Variants in EPCAM observed in about 807,000 individuals in gnomAD.
The protein encoded by EPCAM is adenocarcinoma-associated antigen.
A neutral mutation model predicts 40.0 loss-of-function variants in EPCAM; 39 were observed. That is an observed-to-expected ratio of 0.98 (90% CI 0.76 to 1.27). The LOEUF is 1.27. Ranked by LOEUF, EPCAM falls within the 50% of genes most tolerant of loss-of-function variation. The probability of loss-of-function intolerance (pLI) is 0.00; values close to 1 mark genes in which losing one functional copy is unlikely to be tolerated. For synonymous variants in EPCAM, 168 were observed against 132.3 expected, an observed-to-expected ratio of 1.27 and a Z score of -1.85; for missense variants, 503 against 381.2, an observed-to-expected ratio of 1.32 and a Z score of -2.66.
rs138471286 is a variant in EPCAM at position 47,385,667 on chromosome 2, C to T, written c.903+457C>T. ...TCAGATTGTTAGTGTGTTTCAGTCC[C>T]TTGGAATTGAATATGAACACTTATC... On this transcript the variant is annotated intron_variant, in intron 8 of 8. Transcript: ENST00000263735. 3.8e-4 allele frequency among the ~76,000 whole-genome samples: 58 copies of T among 152,258 alleles called. No individual in the cohort carries two copies. In the East Asian group the frequency reaches 6.0e-3, roughly 16 times the overall value.
At position 47,386,794 on chromosome 2, in the gene EPCAM, G is replaced by A. The variant is rs1671753306; in HGVS notation, c.*181G>A. 1 of 494,010 alleles carries A rather than the reference G, an allele frequency of 2.0e-6. No homozygotes were observed. The allele number at this position is 494,010 out of a possible 1,614,324, so 30.6% of individuals were successfully genotyped here. A position where few individuals can be genotyped will look rare whatever the true frequency, so the allele number is the denominator to read the frequency against. ...GCTTGAAACTGGCTTTACCAATCTTGAAATTTGACCACAAGTGTCTTATAT... is the reference window on the plus strand; with the variant it reads ...GCTTGAAACTGGCTTTACCAATCTTAAAATTTGACCACAAGTGTCTTATAT... On this transcript the variant is annotated 3_prime_UTR_variant, in exon 9 of 9. Transcript: ENST00000263735.
At chr2:47,381,967 A>C (rs954218651) in intron 7 of EPCAM, among the ~76,000 whole-genome samples, 1 of 152,092 alleles carries the variant, frequency 6.6e-6, no homozygotes, top group African/African-American at 2.4e-5. Flanking sequence ...AATTCTTGCT[A>C]TGGCTGCCGA....
rs2103771066 is a variant in EPCAM at position 47,386,656 on chromosome 2, G to C, written c.*43G>C. ...TATAGAAGAAGGGAAATAGCAAATGGACACAAATTACAAATGTGTGTGCGT... is the reference window on the plus strand; with the variant it reads ...TATAGAAGAAGGGAAATAGCAAATGCACACAAATTACAAATGTGTGTGCGT... On this transcript the variant is annotated 3_prime_UTR_variant, in exon 9 of 9. Transcript: ENST00000263735. 1.4e-6 allele frequency: 2 copies of C among 1,452,356 alleles called. No homozygotes were observed. The highest frequency in any genetic ancestry group is 1.2e-5 in the South Asian group (1 of 86,626). The allele number at this position is 1,452,356 out of a possible 1,614,324, so 90.0% of individuals were successfully genotyped here.
chr2:47,380,815 G>A (rs955217211), intron 7 of EPCAM, among the ~76,000 whole-genome samples: 1 of 152,104 alleles, frequency 6.6e-6, no homozygotes, highest in Non-Finnish European at 1.5e-5. Flanking sequence ...CTGGCCAGGT[G>A]TGATGGCTCA....
intron 8 of EPCAM, 50 bp downstream of exon 8, chr2:47,385,260 C>T (rs769424339): frequency 1.1e-5 from 15 of 1,408,776 alleles, no homozygotes; most frequent in Non-Finnish European, 7.0e-6. Context: ...ATCTCTTACT[C>T]CTAATCACTC....
At chr2:47,377,300 G>A (rs899124808) in intron 5 of EPCAM, among the ~76,000 whole-genome samples, 1 of 152,088 alleles carries the variant, frequency 6.6e-6, no homozygotes, top group Non-Finnish European at 1.5e-5. Flanking sequence ...GTCATGGCAA[G>A]ATCTCGGCTC....
intron 4 of EPCAM, 53 bp from the exon 5 acceptor site, chr2:47,376,961 C>T (rs1671442885): frequency 1.0e-5 from 12 of 1,191,076 alleles, no homozygotes; most frequent in Non-Finnish European, 1.3e-5. Context: ...GTGCTTCTTA[C>T]TGTTGTGTGG....
chr2:47,377,312 A>T (rs3923035), intron 5 of EPCAM, among the ~76,000 whole-genome samples: 1 of 151,874 alleles, frequency 6.6e-6, no homozygotes, highest in Non-Finnish European at 1.5e-5. Flanking sequence ...TCTCGGCTCA[A>T]TGTAACCTCT....
rs1671155596 is a variant in EPCAM at position 47,369,439 on chromosome 2, T to A, written c.-67T>A. On this transcript the variant is annotated 5_prime_UTR_variant, in exon 1 of 9. Transcript: ENST00000263735. ...GCCCGGCCGGCTCCTCGTGTCCCAC[T>A]CCCGGCGCACGCCCTCCCGCGAGTC... The A allele has an allele frequency of 7.4e-7, 1 of 1,343,060 alleles. No homozygotes were observed. Among genetic ancestry groups the A allele is most frequent in the African/African-American group, 1.5e-5 (1 of 64,594 alleles). The allele number at this position is 1,343,060 out of a possible 1,614,324, so 83.2% of individuals were successfully genotyped here.
At chr2:47,371,154 A>G (rs1474829954) in intron 1 of EPCAM, among the ~76,000 whole-genome samples, 2 of 151,176 alleles carry the variant, frequency 1.3e-5, no homozygotes, top group African/African-American at 4.9e-5. Flanking sequence ...CTTAAAAACA[A>G]GATTTAAAAT....
Position 47,383,607 on chromosome 2 carries a change from CTTTTTTTTTTTTTTTTTTTTTTTTTT to C in EPCAM, c.859-1539_859-1514del, listed in dbSNP as rs760722807. ...CATGAGCCACTGTGCCCGGCTTCTT[CTTTTTTTTTTTTTTTTTTTTTTTTTT>C]TTTTTTTTTTTTTTTTTTTGAGATG... On this transcript the variant is annotated intron_variant, in intron 7 of 8. Coordinates refer to ENST00000263735, the MANE Select transcript of EPCAM (RefSeq NM_002354.3). 8.9e-3 allele frequency among the ~76,000 whole-genome samples: 326 copies of C among 36,456 alleles called. 1 individual carries two copies. Among genetic ancestry groups the C allele is most frequent in the African/African-American group, 0.018 (241 of 13,538 alleles). 23.9% of individuals were successfully genotyped at this position (36,456 alleles called of 152,430 possible). A position where few individuals can be genotyped will look rare whatever the true frequency, so the allele number is the denominator to read the frequency against.
intron 7 of EPCAM, 53 bp downstream of exon 7, chr2:47,380,022 A>C (rs1671542590): frequency 1.3e-6 from 2 of 1,558,328 alleles, no homozygotes; most frequent in African/African-American, 2.7e-5. Context: ...TTCAAGAAAA[A>C]GTAATAGTGG....
At chr2:47,374,634 TTTTTC>T (rs1179586318) in intron 3 of EPCAM, among the ~76,000 whole-genome samples, 37 of 152,180 alleles carry the variant, frequency 2.4e-4, no homozygotes, top group African/African-American at 7.0e-4. Flanking sequence ...TGTTTTTTCT[TTTTTC>T]TTTTCTTTTC....
chr2:47,379,174 C>G (rs1054108105), intron 6 of EPCAM, 120 bp downstream of exon 6: 2 of 689,934 alleles, frequency 2.9e-6, no homozygotes, highest in Non-Finnish European at 5.3e-6. Flanking sequence ...TCGCTGCTGC[C>G]GTTAATTTTG....
intron 1 of EPCAM, 139 bp downstream of exon 1, chr2:47,369,720 G>T: frequency 1.1e-6 from 1 of 935,960 alleles, no homozygotes; most frequent in Non-Finnish European, 1.7e-6. Context: ...CGGACGGTGC[G>T]GCCGTGCTCC....
Position 47,386,901 on chromosome 2 carries a change from T to TA in EPCAM, c.*289dup. On this transcript the variant is annotated 3_prime_UTR_variant, in exon 9 of 9. Transcript: ENST00000263735. ...GTAACATTCAAATGTGTGCATTAAA[T>TA]ATGCTTCCACAGTAAAATCTGAAAA... 1 of 294,412 alleles carries TA rather than the reference T, an allele frequency of 3.4e-6. No individual in the cohort carries two copies. The highest frequency in any genetic ancestry group is 4.8e-5 in the Admixed American group (1 of 20,982). The allele number at this position is 294,412 out of a possible 1,614,324, so 18.2% of individuals were successfully genotyped here.
chr2:47,384,690 A>G (rs1671691935), intron 7 of EPCAM, among the ~76,000 whole-genome samples: 1 of 151,254 alleles, frequency 6.6e-6, no homozygotes, highest in Non-Finnish European at 1.5e-5. Flanking sequence ...AGTACCGGTG[A>G]GCCACCACGC....
At chr2:47,371,012 G>C (rs893584799) in intron 1 of EPCAM, among the ~76,000 whole-genome samples, 1 of 151,440 alleles carries the variant, frequency 6.6e-6, no homozygotes, top group Non-Finnish European at 1.5e-5. Context: ...AGTGCCAGCC[G>C]AATATTTGTA....
intron 8 of EPCAM, among the ~76,000 whole-genome samples, chr2:47,385,425 A>ATCACCATCT (rs1282025026): frequency 4.0e-4 from 61 of 152,214 alleles, no homozygotes; most frequent in Admixed American, 1.6e-3. Context: ...CTCATAGAAG[A>ATCACCATCT]GTGGAATGGG....
Sources: allele counts gnomAD v4.1 joint callset (sites outside exome capture counted in the v4.1 genomes callset), GRCh38; gene constraint gnomAD v4.1.1; transcripts MANE v1.5; gene names NCBI Gene and HGNC (gene_info 2026-07-23, HGNC 2026-07-21).